LPCAT4: variants seen among roughly 807,000 people sequenced by gnomAD.
The protein encoded by LPCAT4 is lysophospholipid acyltransferase LPCAT4.
A neutral mutation model predicts 66.5 loss-of-function variants in LPCAT4; 30 were observed. That is an observed-to-expected ratio of 0.45 (90% CI 0.34 to 0.61). LPCAT4 has a LOEUF of 0.61. Ranked by LOEUF, LPCAT4 falls within the 20% of genes least tolerant of loss-of-function variation. The pLI is 0.01. For missense variants in LPCAT4, 557 were observed against 656.7 expected (o/e 0.85, Z 1.66); for synonymous variants, 253 against 262.1 (o/e 0.97, Z 0.34).
At chr15:34,364,568 C>G (rs578155928) in intron 3 of LPCAT4, 1 of 327,350 alleles carries the variant, frequency 3.1e-6, no homozygotes, top group Non-Finnish European at 5.5e-6. Flanking sequence ...GGATTACAAG[C>G]ATGGGCCACC....
chr15:34,365,970 A>C (rs967376559), intron 1 of LPCAT4: 3 of 419,642 alleles, frequency 7.1e-6, no homozygotes, highest in African/African-American at 5.9e-5. Flanking sequence ...AGCCATAAAA[A>C]GCATCTAGCA....
At position 34,363,925 on chromosome 15, in the gene LPCAT4, C is replaced by G. The variant is rs528427939; in HGVS notation, c.652+88G>C. The G allele has an allele frequency of 4.3e-3, 6,151 of 1,438,832 alleles. 26 individuals are homozygous for G. Among genetic ancestry groups the G allele is most frequent in the Non-Finnish European group, 5.6e-3 (5,803 of 1,029,240 alleles). 89.1% of individuals were successfully genotyped at this position (1,438,832 alleles called of 1,614,324 possible). On this transcript the variant is annotated intron_variant, in intron 5 of 13. Coordinates refer to ENST00000314891, the MANE Select transcript of LPCAT4 (RefSeq NM_153613.3). The surrounding 1 kb of genome is among the most constrained non-coding windows in gnomAD (Gnocchi z 4.3). ...CCCTTCCTCTCCCATCCCTCCCCCT[C>G]TTCTACTTCTTGGGTTATTTCAGAG...
intron 2 of LPCAT4, 126 bp downstream of exon 2, chr15:34,365,433 C>G: frequency 7.3e-7 from 1 of 1,363,536 alleles, no homozygotes; most frequent in Non-Finnish European, 1.0e-6. Context: ...GCTTGGCTGA[C>G]TCATCTCATC....
chr15:34,365,190 A>T lies in LPCAT4; in HGVS notation c.296T>A (p.Leu99Gln), dbSNP rs1891048395. ...GAGGAAGCCCAGCAGGAAAAACAGC[A>T]GGCGGCTCAGGCCTAGCACCCCGTT... Reference protein sequence around the residue: ...CHNGVLGLSRLLFFLLGFLRI... With the variant: ...CHNGVLGLSRQLFFLLGFLRI... Residue 99 changes from leucine to glutamine, a missense_variant, in exon 3 of 14, where the codon CTG (leucine) becomes CAG (glutamine). By Grantham distance (113) the Leu-to-Gln change is moderately radical. Around this residue, in one of 4 missense-constraint regions of LPCAT4, gnomAD observed 65 missense variants for 83.5 expected, o/e 0.78. Transcript: ENST00000314891. The T allele has an allele frequency of 6.2e-7, 1 of 1,612,972 alleles. No individual in the cohort carries two copies. The highest frequency in any genetic ancestry group is 8.5e-7 in the Non-Finnish European group (1 of 1,179,602).
chr15:34,361,128 C>T (rs1201365218), intron 11 of LPCAT4: 10 of 1,184,556 alleles, frequency 8.4e-6, no homozygotes, highest in South Asian at 1.9e-5. Context: ...TCCCCACCTT[C>T]GCCACTCTCT....
intron 1 of LPCAT4, 191 bp downstream of exon 1, chr15:34,366,796 C>A: frequency 1.4e-6 from 1 of 695,164 alleles, no homozygotes; most frequent in East Asian, 3.1e-5. Context: ...ATCGCCCAAG[C>A]CCGCAGCGTC....
rs755579024 is a variant in LPCAT4 at position 34,359,238 on chromosome 15, G to C, written c.1464C>G (p.Arg488=). The C allele has an allele frequency of 5.7e-6, 9 of 1,573,070 alleles. No homozygotes were observed. In the South Asian group the frequency reaches 9.3e-5, roughly 16 times the overall value. ...LYGKLFSTYL[R]PPHTSRGTSQ... is the part of the protein sequence containing the mutation. ...AGGTGCCTCGAGAGGTGTGTGGGGG[G>C]CGCAGGTAGGTGCTGAAGAGTTTCC... Residue 488 remains arginine, a synonymous_variant, in exon 14 of 14, where the codon CGC becomes CGG. Transcript: ENST00000314891.
rs1399404494 is a variant in LPCAT4, at chr15:34,363,498, T to C, written c.712-42A>G. 6.2e-7 allele frequency: 1 copy of C among 1,613,476 alleles called. No individual in the cohort carries two copies. The highest frequency in any genetic ancestry group is 1.7e-5 in the Admixed American group (1 of 59,966). On this transcript the variant is annotated intron_variant, in intron 6 of 13. Transcript: ENST00000314891. The surrounding 1 kb of genome is among the most constrained non-coding windows in gnomAD (Gnocchi z 4.3). ...GGTGAGGGCATAAGAGCATTACTTT[T>C]TCCCCCTGGAACTGGCCAATCACCT... is the stretch of plus-strand genomic sequence containing the variant.
Position 34,364,183 on chromosome 15 carries a change from C to G in LPCAT4, c.591+11G>C. 6.2e-7 allele frequency: 1 copy of G among 1,605,006 alleles called. No individual in the cohort carries two copies. The highest frequency in any genetic ancestry group is 8.5e-7 in the Non-Finnish European group (1 of 1,171,682). On this transcript the variant is annotated intron_variant, in intron 4 of 13. Transcript: ENST00000314891. ...GGAAAGTGAGAAGATGGTCTTGAGA[C>G]CCTTACCCACCTGCGGCCACTTGCC...
In LPCAT4 at chr15:34,364,224, C is replaced by T. The variant is rs1891016571; in HGVS notation, c.561G>A (p.Arg187=). The T allele has an allele frequency of 1.2e-6, 2 of 1,613,840 alleles. No homozygotes were observed. The highest frequency in any genetic ancestry group is 1.7e-6 in the Non-Finnish European group (2 of 1,179,704). ...SRRRVVEEVR[R]RATSGGKWPQ... ...GCCACTTGCCTCCTGAGGTGGCCCGCCTTCGGACCTCCTCCACCACTCTGC... is the reference window on the plus strand; with the variant it reads ...GCCACTTGCCTCCTGAGGTGGCCCGTCTTCGGACCTCCTCCACCACTCTGC... The change falls in exon 4 of 14, where the codon AGG becomes AGA. Residue 187 remains arginine (R), a synonymous_variant. Coordinates refer to ENST00000314891, the MANE Select transcript of LPCAT4 (RefSeq NM_153613.3).
At chr15:34,359,491 C>T (rs1475574953) in intron 13 of LPCAT4, 98 bp downstream of exon 13, 3 of 1,463,142 alleles carry the variant, frequency 2.1e-6, no homozygotes, top group South Asian at 2.7e-5. Context: ...TGATCTCCAG[C>T]ACTGGCCACT....
At chr15:34,362,758 C>T in intron 8 of LPCAT4, 24 bp downstream of exon 8, 2 of 1,613,982 alleles carry the variant, frequency 1.2e-6, no homozygotes, top group South Asian at 2.2e-5. Flanking sequence ...TGTACTTCTC[C>T]CACCGCCCCC....
intron 13 of LPCAT4, 57 bp downstream of exon 13, chr15:34,359,532 C>T (rs1216201387): frequency 1.3e-6 from 2 of 1,582,760 alleles, no homozygotes; most frequent in Non-Finnish European, 1.7e-6. Context: ...CCAGTGCTTT[C>T]CTGGATGCTG....
chr15:34,362,112 C>T, intron 10 of LPCAT4, 84 bp downstream of exon 10: 117 of 1,459,048 alleles, frequency 8.0e-5, no homozygotes, highest in South Asian at 3.7e-4. Flanking sequence ...GATTTTCCTT[C>T]TTCCTTCTCA....
In LPCAT4 at chr15:34,363,554, C is replaced by A; in HGVS notation, c.712-98G>T. ...CAGAGGGCCTGATCCCACCTCTGGT[C>A]ACAGCCCCCAATGCACATCCCATTA... On this transcript the variant is annotated intron_variant, in intron 6 of 13. Transcript: ENST00000314891. The surrounding 1 kb of genome is among the most constrained non-coding windows in gnomAD (Gnocchi z 4.3). The A allele has an allele frequency of 6.3e-7, 1 of 1,596,782 alleles. No homozygotes were observed.
chr15:34,360,223 G>T lies in LPCAT4; in HGVS notation c.1144-14C>A. Reference sequence around the variant, plus strand: ...ACCCTTGGTATCCTGGTGTGAAAAAGAAACCAGGGCAATGCGGGGACCCTG... The same window carrying T: ...ACCCTTGGTATCCTGGTGTGAAAAATAAACCAGGGCAATGCGGGGACCCTG... On this transcript the variant is annotated splice_polypyrimidine_tract_variant and intron_variant, in intron 11 of 13. Coordinates refer to ENST00000314891, the MANE Select transcript of LPCAT4 (RefSeq NM_153613.3). The T allele has an allele frequency of 6.2e-7, 1 of 1,609,720 alleles. No homozygotes were observed. Among genetic ancestry groups the T allele is most frequent in the African/African-American group, 1.3e-5 (1 of 74,968 alleles).
At position 34,361,085 on chromosome 15, in the gene LPCAT4, A is replaced by G; in HGVS notation, c.1143+315T>C. 4 of 646,428 alleles carry G rather than the reference A, an allele frequency of 6.2e-6. No individual in the cohort carries two copies. The South Asian group carries it at 9.2e-5, about 15-fold the overall frequency. 40.0% of individuals were successfully genotyped at this position (646,428 alleles called of 1,614,324 possible). A position where few individuals can be genotyped will look rare whatever the true frequency, so the allele number is the denominator to read the frequency against. ...TAACCTTCATGACTCTCCTTCAAAG[A>G]CCCTCACCCAGCACCCCAAAAGGTC... On this transcript the variant is annotated intron_variant, in intron 11 of 13. Transcript: ENST00000314891.
At chr15:34,360,585 G>A (rs1390843120) in intron 11 of LPCAT4, among the ~76,000 whole-genome samples, 1 of 152,262 alleles carries the variant, frequency 6.6e-6, no homozygotes, top group African/African-American at 2.4e-5. Context: ...CCAACAGATT[G>A]AAAGGGGGAC....
intron 3 of LPCAT4, 193 bp from the exon 4 acceptor site, chr15:34,364,499 C>T (rs1005394439): frequency 3.4e-5 from 17 of 495,284 alleles, no homozygotes; most frequent in Middle Eastern, 1.1e-3. Context: ...TCTCAGCTCA[C>T]CGCAAACTCC....
Sources: allele counts gnomAD v4.1 joint callset (sites outside exome capture counted in the v4.1 genomes callset), GRCh38; gene constraint gnomAD v4.1.1; regional missense constraint gnomAD v4.1.1; non-coding constraint Gnocchi (gnomAD v3.1); transcripts MANE v1.5; gene names NCBI Gene and HGNC (gene_info 2026-07-23, HGNC 2026-07-21).